Variants in DDHD1 observed in about 807,000 individuals in gnomAD.
DDHD1 encodes the protein DDHD domain containing 1.
In DDHD1, 49 loss-of-function variants were observed where a neutral mutation model predicts 96.4. The observed-to-expected ratio is 0.51, with a 90% CI of 0.40 to 0.64. DDHD1 has a LOEUF of 0.64. Ranked by LOEUF, DDHD1 falls within the 30% of genes least tolerant of loss-of-function variation. The pLI, the probability that DDHD1 is intolerant of heterozygous loss-of-function variation, is 0.00. For synonymous variants in DDHD1, 442 were observed against 446.5 expected (o/e 0.99, Z 0.13); for missense variants, 1,106 against 1,161.2 (o/e 0.95, Z 0.69).
At chr14:53,059,863 CA>C (rs60708379) in intron 8 of DDHD1, among the ~76,000 whole-genome samples, 1,706 of 18,422 alleles carry the variant, frequency 0.093, 2 homozygotes, top group African/African-American at 0.17. Flanking sequence ...GACTCTGTCT[CA>C]AAAAAAAAAA....
At chr14:53,078,756 G>C (rs1414112308) in intron 4 of DDHD1, among the ~76,000 whole-genome samples, 1 of 152,154 alleles carries the variant, frequency 6.6e-6, no homozygotes, top group Non-Finnish European at 1.5e-5. Flanking sequence ...CAGAAGTGGT[G>C]AGAGTGGATA....
chr14:53,124,525 A>T (rs1367931783), intron 1 of DDHD1, among the ~76,000 whole-genome samples: 1 of 152,224 alleles, frequency 6.6e-6, no homozygotes, highest in Non-Finnish European at 1.5e-5. Flanking sequence ...TCAAAATATA[A>T]CTGGGATCGC....
chr14:53,132,134 G>A (rs529998857), intron 1 of DDHD1, among the ~76,000 whole-genome samples: 31 of 152,036 alleles, frequency 2.0e-4, no homozygotes, highest in African/African-American at 6.8e-4. Context: ...TTAAAAAACA[G>A]CCCTAAAAGC....
rs1489342507 is a variant in DDHD1 at position 53,152,930 on chromosome 14, C to A, written c.169G>T (p.Ala57Ser). Residue 57 changes from alanine to serine, a missense_variant, in exon 1 of 13, where the codon GCC becomes TCC. Transcript: ENST00000673822. ...AGCCCGGGTTCCCCGCGCAGCAGGG[C>A]CAGGGGCACGTCGCCGTCGTCCGGG... ...GDPDDGDVPLALLRGEPGLHL... is the reference protein window; with the variant it reads ...GDPDDGDVPLSLLRGEPGLHL... 4 of 1,604,236 alleles carry A rather than the reference C, an allele frequency of 2.5e-6. No homozygotes were observed. The South Asian group carries it at 4.4e-5, about 18-fold the overall frequency.
intron 9 of DDHD1, among the ~76,000 whole-genome samples, chr14:53,058,189 T>C (rs1883229574): frequency 6.6e-6 from 1 of 152,036 alleles, no homozygotes; most frequent in Non-Finnish European, 1.5e-5. Flanking sequence ...CAAGCTGGAG[T>C]GCAGTGGCAT....
intron 11 of DDHD1, chr14:53,053,033 C>T (rs1024274488): frequency 2.6e-5 from 4 of 151,584 alleles, no homozygotes; most frequent in African/African-American, 7.3e-5. Flanking sequence ...TCTATACATA[C>T]GTTTTCATTA....
intron 1 of DDHD1, among the ~76,000 whole-genome samples, chr14:53,118,517 A>G (rs1888723186): frequency 6.6e-6 from 1 of 152,230 alleles, no homozygotes; most frequent in Non-Finnish European, 1.5e-5. Context: ...GGACCCATGC[A>G]TAAGCTTCAA....
chr14:53,072,767 G>C, intron 5 of DDHD1, 64 bp from the exon 6 acceptor site: 2 of 1,089,780 alleles, frequency 1.8e-6, no homozygotes, highest in Non-Finnish European at 2.7e-6. Flanking sequence ...GAAAGTAATA[G>C]TGAAGAAAAT....
At chr14:53,124,057 C>T (rs1315729572) in intron 1 of DDHD1, among the ~76,000 whole-genome samples, 2 of 150,974 alleles carry the variant, frequency 1.3e-5, no homozygotes, top group Admixed American at 1.3e-4. Flanking sequence ...CATGGTGAAA[C>T]CCTGTCTCTA....
chr14:53,113,365 T>TAA (rs1409015683), intron 1 of DDHD1, among the ~76,000 whole-genome samples: 1 of 107,980 alleles, frequency 9.3e-6, no homozygotes, highest in Non-Finnish European at 1.9e-5. Context: ...TTTTTCTTTT[T>TAA]AAAAAAAAAA....
chr14:53,136,147 C>G (rs967350351), intron 1 of DDHD1, among the ~76,000 whole-genome samples: 1 of 152,194 alleles, frequency 6.6e-6, no homozygotes, highest in Non-Finnish European at 1.5e-5. Flanking sequence ...ACCCCCTGCC[C>G]GCAAAACATT....
chr14:53,048,924 A>G (rs1255536049), intron 12 of DDHD1: 1 of 152,256 alleles, frequency 6.6e-6, no homozygotes, highest in Non-Finnish European at 1.5e-5. Flanking sequence ...AAGACCACAA[A>G]GTTATAATTT....
intron 12 of DDHD1, among the ~76,000 whole-genome samples, chr14:53,050,452 A>G (rs113602821): frequency 2.1e-3 from 320 of 152,188 alleles, no homozygotes; most frequent in African/African-American, 7.5e-3. Flanking sequence ...TGTATGAATG[A>G]TTGAGACCTT....
At position 53,072,579 on chromosome 14, in the gene DDHD1, G is replaced by C; in HGVS notation, c.1503+18C>G. The C allele has an allele frequency of 7.1e-7, 1 of 1,400,968 alleles. No homozygotes were observed. The highest frequency in any genetic ancestry group is 1.9e-4 in the Middle Eastern group (1 of 5,350). 86.8% of individuals were successfully genotyped at this position (1,400,968 alleles called of 1,614,324 possible). A position where few individuals can be genotyped will look rare whatever the true frequency, so the allele number is the denominator to read the frequency against. ...ATCACTAAAAAATACCCACCAGCAA[G>C]ATAATCATGACACTTACTTCATCTC... On this transcript the variant is annotated intron_variant, in intron 6 of 12. Transcript: ENST00000673822.
intron 4 of DDHD1, among the ~76,000 whole-genome samples, chr14:53,083,468 A>C (rs1885670637): frequency 6.6e-6 from 1 of 152,244 alleles, no homozygotes. Context: ...AAGTTGTCTA[A>C]AAATTTGCTT....
At chr14:53,086,731 A>G (rs1885994116) in intron 4 of DDHD1, among the ~76,000 whole-genome samples, 1 of 152,192 alleles carries the variant, frequency 6.6e-6, no homozygotes, top group Non-Finnish European at 1.5e-5. Context: ...TGCTGGGAAG[A>G]AACTGCAGCA....
chr14:53,039,959 A>C lies in DDHD1; in HGVS notation c.*6809T>G, dbSNP rs1157214164. ...ACGTACACTGTCCCATCTCAATTCT[A>C]CATGTAGTCCTTATAGCCTGGCCAC... is the stretch of plus-strand genomic sequence containing the variant. On this transcript the variant is annotated 3_prime_UTR_variant, in exon 13 of 13. Coordinates refer to ENST00000673822, the MANE Select transcript of DDHD1 (RefSeq NM_001160148.2). 1 of 152,190 alleles carries C rather than the reference A, an allele frequency of 6.6e-6. No homozygotes were observed. Among genetic ancestry groups the C allele is most frequent in the Non-Finnish European group, 1.5e-5 (1 of 68,100 alleles). 9.4% of individuals were successfully genotyped at this position (152,190 alleles called of 1,614,324 possible). A position where few individuals can be genotyped will look rare whatever the true frequency, so the allele number is the denominator to read the frequency against.
intron 1 of DDHD1, among the ~76,000 whole-genome samples, chr14:53,105,198 C>T: frequency 6.6e-6 from 1 of 151,698 alleles, no homozygotes; most frequent in Non-Finnish European, 1.5e-5. Flanking sequence ...TAGTAAAGGC[C>T]TAGAACTGAA....
At chr14:53,136,549 T>G (rs745972588) in intron 1 of DDHD1, among the ~76,000 whole-genome samples, 13 of 152,146 alleles carry the variant, frequency 8.5e-5, no homozygotes, top group Non-Finnish European at 1.5e-4. Context: ...TACTGGCTTA[T>G]GCACATAAAG....
Sources: allele counts gnomAD v4.1 joint callset (sites outside exome capture counted in the v4.1 genomes callset), GRCh38; gene constraint gnomAD v4.1.1; transcripts MANE v1.5; gene names NCBI Gene and HGNC (gene_info 2026-07-23, HGNC 2026-07-21).